The following BMP2K variants were observed in gnomAD, a reference collection of about 807,000 sequenced individuals.
The protein encoded by BMP2K is BMP2 inducible kinase, also known as BMP-2-inducible protein kinase.
Under a neutral mutation model 116.0 loss-of-function variants are expected in BMP2K, and 74 were observed. The observed-to-expected ratio is 0.64, with a 90% confidence interval of 0.53 to 0.77. The LOEUF (loss-of-function observed/expected upper bound fraction) is 0.77. Ranked by LOEUF, BMP2K falls within the 30% of genes least tolerant of loss-of-function variation. The pLI is 0.00. For missense variants in BMP2K, 1,365 were observed against 1,403.6 expected (o/e 0.97, Z 0.44); for synonymous variants, 486 against 502.5 (o/e 0.97, Z 0.44).
intron 12 of BMP2K, chr4:78,872,219 T>A: frequency 4.2e-6 from 1 of 240,780 alleles, no homozygotes; most frequent in African/African-American, 2.4e-5. Context: ...TTTCGTCACA[T>A]GTCTCTTTCA....
At chr4:78,830,925 G>C (rs1730177094) in intron 2 of BMP2K, among the ~76,000 whole-genome samples, 1 of 152,204 alleles carries the variant, frequency 6.6e-6, no homozygotes, top group South Asian at 2.1e-4. Flanking sequence ...GTGTGTCCAT[G>C]GGAGTAGCAC....
At position 78,911,726 on chromosome 4, in the gene BMP2K, A is replaced by C; in HGVS notation, c.3179A>C (p.Gln1060Pro). Residue 1060 changes from glutamine to proline, a missense_variant, in exon 16 of 16, where the codon CAA becomes CCA. This residue lies in a region of BMP2K where 596 missense variants were observed against 623.2 expected (regional missense o/e 0.96). Coordinates refer to ENST00000502613, the MANE Select transcript of BMP2K (RefSeq NM_198892.2). ...GGGAAAGATAGGGGGAATGTCTTAC[A>C]ACCTGAGGAGAGCCTGTTGGACCCC... The part of the protein sequence containing the change: ...TDGKDRGNVL[Q>P]PEESLLDPFG... 6.2e-7 allele frequency: 1 copy of C among 1,613,992 alleles called. No individual in the cohort carries two copies. Among genetic ancestry groups the C allele is most frequent in the Non-Finnish European group, 8.5e-7 (1 of 1,179,882 alleles).
chr4:78,796,268 C>T (rs1728267449), intron 1 of BMP2K, among the ~76,000 whole-genome samples: 2 of 151,646 alleles, frequency 1.3e-5, no homozygotes, highest in African/African-American at 2.4e-5. Context: ...TCATCATTCT[C>T]AGTAAACTAT....
At chr4:78,825,870 T>G (rs1259005052) in intron 1 of BMP2K, among the ~76,000 whole-genome samples, 167 bp from the exon 2 acceptor site, 2 of 152,252 alleles carry the variant, frequency 1.3e-5, no homozygotes, top group Non-Finnish European at 2.9e-5. Context: ...ATGATTGACT[T>G]AGGAAGCCAG....
intron 3 of BMP2K, among the ~76,000 whole-genome samples, chr4:78,835,564 G>A (rs778157658): frequency 2.0e-5 from 3 of 150,002 alleles, no homozygotes; most frequent in Non-Finnish European, 4.4e-5. Flanking sequence ...GGGAGGTGGA[G>A]CTTGCAATGA....
At chr4:78,839,949 C>G (rs1730678603) in intron 3 of BMP2K, among the ~76,000 whole-genome samples, 1 of 152,146 alleles carries the variant, frequency 6.6e-6, no homozygotes, top group Non-Finnish European at 1.5e-5. Context: ...GGAACACCCT[C>G]AAAGACACAC....
rs757210070 is a variant in BMP2K at position 78,911,268 on chromosome 4, G to T, written c.2721G>T (p.Val907=). 1 of 1,613,986 alleles carries T rather than the reference G, an allele frequency of 6.2e-7. No individual in the cohort carries two copies. The highest frequency in any genetic ancestry group is 8.5e-7 in the Non-Finnish European group (1 of 1,179,898). The change falls in exon 16 of 16, where the codon GTG becomes GTT. Residue 907 remains valine, a synonymous_variant. Transcript: ENST00000502613. ...CAAAGGCGCCTTTTAGCAAGAAGGT[G>T]AATGTACAAGAATGCCATGCAGTGG... ...VFTKAPFSKK[V]NVQECHAVGP... is the part of the protein sequence containing the mutation.
At chr4:78,849,809 A>G (rs956311767) in intron 6 of BMP2K, among the ~76,000 whole-genome samples, 2 of 151,714 alleles carry the variant, frequency 1.3e-5, no homozygotes, top group Non-Finnish European at 1.5e-5. Flanking sequence ...AACTGTTTTC[A>G]TTGGACCATT....
At chr4:78,855,616 G>T (rs1731472529) in intron 7 of BMP2K, among the ~76,000 whole-genome samples, 1 of 152,130 alleles carries the variant, frequency 6.6e-6, no homozygotes, top group Non-Finnish European at 1.5e-5. Flanking sequence ...GTTGGAATGT[G>T]CAGGGATTTT....
chr4:78,776,619 G>T lies in BMP2K; in HGVS notation c.76G>T (p.Ala26Ser), dbSNP rs1727253016. ...GGAAGGGAGGAGAGAGCGSGG... is the reference protein window; with the variant it reads ...GGAAGGGAGGSGAGAGCGSGG... ...AGCGGCGGGTGGCGGGGCTGGCGGGGCCGGGGCCGGGGCCGGCTGCGGCTC... is the reference window on the plus strand; with the variant it reads ...AGCGGCGGGTGGCGGGGCTGGCGGGTCCGGGGCCGGGGCCGGCTGCGGCTC... Residue 26 changes from alanine (A) to serine (S), a missense_variant, in exon 1 of 16, where the codon GCC (alanine) becomes TCC (serine). By Grantham distance (99) the Ala-to-Ser change is moderately conservative (BLOSUM62 1). Transcript: ENST00000502613. The T allele has an allele frequency of 4.2e-6, 5 of 1,201,628 alleles. No homozygotes were observed. The highest frequency in any genetic ancestry group is 3.1e-6 in the Non-Finnish European group (3 of 965,274). The allele number at this position is 1,201,628 out of a possible 1,614,324, so 74.4% of individuals were successfully genotyped here. A position where few individuals can be genotyped will look rare whatever the true frequency, so the allele number is the denominator to read the frequency against.
intron 15 of BMP2K, among the ~76,000 whole-genome samples, chr4:78,905,197 A>G (rs547098338): frequency 6.6e-6 from 1 of 152,044 alleles, no homozygotes; most frequent in African/African-American, 2.4e-5. Context: ...GGTTGATCAT[A>G]TAGATTTTTG....
At chr4:78,785,144 T>C (rs1395982000) in intron 1 of BMP2K, among the ~76,000 whole-genome samples, 1 of 152,204 alleles carries the variant, frequency 6.6e-6, no homozygotes. Flanking sequence ...GGAGTCTTGC[T>C]CTGTTGCCCA....
chr4:78,807,448 G>A (rs904227166), intron 1 of BMP2K, among the ~76,000 whole-genome samples: 4 of 151,806 alleles, frequency 2.6e-5, no homozygotes, highest in African/African-American at 7.3e-5. Flanking sequence ...GTGACAAAAC[G>A]TTTCCTTCTC....
chr4:78,861,597 T>C (rs189946655), intron 9 of BMP2K, 129 bp downstream of exon 9: 46 of 753,048 alleles, frequency 6.1e-5, no homozygotes, highest in Non-Finnish European at 4.5e-5. Context: ...TTATTGTATG[T>C]GGTATAATTG....
intron 1 of BMP2K, among the ~76,000 whole-genome samples, chr4:78,798,739 C>T (rs954882564): frequency 1.3e-5 from 2 of 152,156 alleles, no homozygotes; most frequent in Admixed American, 6.5e-5. Context: ...TAAAGATTTA[C>T]AATATCACTG....
intron 1 of BMP2K, among the ~76,000 whole-genome samples, chr4:78,790,501 A>T (rs936402770): frequency 6.6e-6 from 1 of 152,222 alleles, no homozygotes; most frequent in African/African-American, 2.4e-5. Flanking sequence ...AAAAAAATTT[A>T]TATTGTTTAG....
chr4:78,872,949 C>G, intron 13 of BMP2K, 151 bp downstream of exon 13: 1 of 782,508 alleles, frequency 1.3e-6, no homozygotes, highest in South Asian at 2.0e-5. Context: ...CTTCTGGTCC[C>G]TTGGCATCCC....
At chr4:78,814,118 G>A (rs1729216276) in intron 1 of BMP2K, among the ~76,000 whole-genome samples, 1 of 152,160 alleles carries the variant, frequency 6.6e-6, no homozygotes, top group South Asian at 2.1e-4. Context: ...TTTTGTAGTG[G>A]GTGAAGGTAG....
At chr4:78,783,412 A>C (rs1413445886) in intron 1 of BMP2K, among the ~76,000 whole-genome samples, 2 of 152,222 alleles carry the variant, frequency 1.3e-5, no homozygotes, top group South Asian at 2.1e-4. Context: ...TAGTAGTTTT[A>C]TTCAAGGACA....
Sources: gnomAD v4.1 joint callset for allele counts (sites outside exome capture counted in the v4.1 genomes callset) on GRCh38, gnomAD v4.1.1 for gene constraint, gnomAD v4.1.1 regional missense constraint, MANE v1.5 for transcripts, NCBI Gene and HGNC (gene_info 2026-07-23, HGNC 2026-07-21) for gene names.